The following BBS2 variants were observed in gnomAD, a reference collection of about 807,000 sequenced individuals.
BBS2 encodes Bardet-Biedl syndrome 2.
BBS2 carries 62 observed loss-of-function variants against 83.0 expected under a neutral mutation model. That is an observed-to-expected ratio of 0.75 (90% CI 0.61 to 0.92). The LOEUF (loss-of-function observed/expected upper bound fraction) is 0.92. Ranked by LOEUF, BBS2 falls within the 40% of genes least tolerant of loss-of-function variation. The probability of loss-of-function intolerance (pLI) is 0.00; values close to 1 mark genes in which losing one functional copy is unlikely to be tolerated. For synonymous variants in BBS2, 303 were observed against 326.1 expected (o/e 0.93, Z 0.76); for missense variants, 784 against 901.0 (o/e 0.87, Z 1.66).
downstream of BBS2, among the ~76,000 whole-genome samples, chr16:56,481,796 T>C (rs1963667948): frequency 6.6e-6 from 1 of 152,218 alleles, no homozygotes; most frequent in African/African-American, 2.4e-5. Flanking sequence ...GTTGCATGTT[T>C]TATGAATGTT....
chr16:56,478,527 G>A (rs1258107580), intron 17 of BBS2: 2 of 152,192 alleles, frequency 1.3e-5, no homozygotes, highest in African/African-American at 4.8e-5. Context: ...TTCATGAGTT[G>A]AGGGGAAAGG....
chr16:56,509,807 A>G, intron 5 of BBS2, 150 bp downstream of exon 5: 1 of 698,238 alleles, frequency 1.4e-6, no homozygotes, highest in South Asian at 1.6e-5. Flanking sequence ...TTCTTACCAT[A>G]ACATACAGCT....
chr16:56,484,836 A>G lies in BBS2; in HGVS notation c.2091T>C (p.Ala697=). 1 of 1,614,096 alleles carries G rather than the reference A, an allele frequency of 6.2e-7. No individual in the cohort carries two copies. The highest frequency in any genetic ancestry group is 1.3e-5 in the African/African-American group (1 of 75,060). ...VGKPKNQVIT[A]CRDAIRSNNI... is the part of the protein sequence containing the mutation. Reference sequence around the variant, plus strand: ...TATTGCTTCGAATTGCATCCCGACAAGCAGTGATCACCTGGTTCTTTGGTT... The same window carrying G: ...TATTGCTTCGAATTGCATCCCGACAGGCAGTGATCACCTGGTTCTTTGGTT... Residue 697 remains alanine, a synonymous_variant, in exon 17 of 17, where the codon GCT becomes GCC. Coordinates refer to ENST00000245157, the MANE Select transcript of BBS2 (RefSeq NM_031885.5).
At chr16:56,507,359 C>T (rs966901269) in intron 5 of BBS2, among the ~76,000 whole-genome samples, 3 of 152,176 alleles carry the variant, frequency 2.0e-5, no homozygotes, top group African/African-American at 7.2e-5. Context: ...CCCTCAAATC[C>T]CTAACTCTAT....
At chr16:56,480,713 A>C (rs569418388), downstream of BBS2, among the ~76,000 whole-genome samples, 6 of 152,298 alleles carry the variant, frequency 3.9e-5, no homozygotes, top group South Asian at 1.2e-3. Context: ...CAACACCATG[A>C]CATACTTAAC....
At chr16:56,478,585 A>T (rs1211588537) in intron 17 of BBS2, 3 of 152,234 alleles carry the variant, frequency 2.0e-5, no homozygotes, top group African/African-American at 7.2e-5. Context: ...GTGCTTGGGT[A>T]GGTGAAACTG....
chr16:56,495,764 A>ATG lies in BBS2; in HGVS notation c.1910+1202_1910+1203insCA, dbSNP rs1428218197. ...GTGATTTTTATACAGACGTGTGTAT[A>ATG]TATGTGTGTGTGTGTGTGTGTGTGT... On this transcript the variant is annotated intron_variant, in intron 15 of 16. Transcript: ENST00000245157. 4.4e-4 allele frequency among the ~76,000 whole-genome samples: 41 copies of ATG among 92,276 alleles called. 2 individuals are homozygous for ATG. The highest frequency in any genetic ancestry group is 4.0e-5 in the Non-Finnish European group (2 of 49,630). 60.5% of individuals were successfully genotyped at this position (92,276 alleles called of 152,430 possible).
chr16:56,481,009 G>A (rs963142177), downstream of BBS2, among the ~76,000 whole-genome samples: 13 of 152,104 alleles, frequency 8.5e-5, no homozygotes, highest in African/African-American at 2.2e-4. Context: ...GGCAAAATGC[G>A]AAACACCAGG....
chr16:56,514,545 G>A lies in BBS2; in HGVS notation c.253C>T (p.Pro85Ser), dbSNP rs371970109. The A allele has an allele frequency of 6.2e-6, 10 of 1,614,016 alleles. No homozygotes were observed. Among genetic ancestry groups the A allele is most frequent in the African/African-American group, 1.3e-5 (1 of 74,890 alleles). ...VSCLTAGVLNPELGYDALLVG... is the reference protein window; with the variant it reads ...VSCLTAGVLNSELGYDALLVG... Reference sequence around the variant, plus strand: ...AAAAGGGCATCATAGCCAAGCTCAGGGTTCAATACGCCTGCAGTCAGACAG... The same window carrying A: ...AAAAGGGCATCATAGCCAAGCTCAGAGTTCAATACGCCTGCAGTCAGACAG... The change falls in exon 2 of 17, where the codon CCT (proline) becomes TCT (serine). Residue 85 changes from proline to serine, a missense_variant. Coordinates refer to ENST00000245157, the MANE Select transcript of BBS2 (RefSeq NM_031885.5).
At chr16:56,516,941 G>A (rs1349945726) in intron 1 of BBS2, among the ~76,000 whole-genome samples, 1 of 152,138 alleles carries the variant, frequency 6.6e-6, no homozygotes, top group South Asian at 2.1e-4. Flanking sequence ...TTACAGAGCT[G>A]AACACAAAGT....
rs182879553 is a variant in BBS2 at position 56,476,353 on chromosome 16, A to G, written c.*1-5658T>C. Reference sequence around the variant, plus strand: ...TTGTCTTTTACTAGGACTCATAATGATTGTCCTCAACCGAGACCTTGAGCT... The same window carrying G: ...TTGTCTTTTACTAGGACTCATAATGGTTGTCCTCAACCGAGACCTTGAGCT... On this transcript the variant is annotated intron_variant, in intron 17 of 17. Transcript: ENST00000682047. 8.2e-6 allele frequency: 5 copies of G among 611,754 alleles called. No individual in the cohort carries two copies. In the East Asian group the frequency reaches 1.5e-4, roughly 19 times the overall value. The allele number at this position is 611,754 out of a possible 1,614,324, so 37.9% of individuals were successfully genotyped here.
At chr16:56,511,327 T>C (rs1467252019) in intron 2 of BBS2, 43 bp from the exon 3 acceptor site, 7 of 1,611,224 alleles carry the variant, frequency 4.3e-6, no homozygotes, top group Non-Finnish European at 5.9e-6. Context: ...CACGATAATA[T>C]GCAGGCCCAC....
At chr16:56,479,541 A>T (rs1386122743), downstream of BBS2, among the ~76,000 whole-genome samples, 1 of 152,230 alleles carries the variant, frequency 6.6e-6, no homozygotes, top group African/African-American at 2.4e-5. Flanking sequence ...TGAGGTAATA[A>T]CATGTAATAT....
intron 17 of BBS2, chr16:56,474,773 A>G (rs550550504): frequency 2.7e-6 from 4 of 1,464,696 alleles, no homozygotes; most frequent in East Asian, 4.6e-5. Flanking sequence ...CTTGCAATCC[A>G]ACAGTTCTAT....
chr16:56,515,834 C>T (rs1002527617), intron 1 of BBS2, among the ~76,000 whole-genome samples: 2 of 152,178 alleles, frequency 1.3e-5, no homozygotes, highest in Non-Finnish European at 2.9e-5. Context: ...CCCTTCATTT[C>T]CATATGAGGT....
At chr16:56,500,624 C>CAA (rs1304358431) in intron 11 of BBS2, 1,408 of 293,514 alleles carry the variant, frequency 4.8e-3, no homozygotes, top group South Asian at 6.6e-3. Flanking sequence ...GAATCTGTCT[C>CAA]AAAAAAAAAA....
At chr16:56,492,496 G>C (rs1389248748) in intron 15 of BBS2, among the ~76,000 whole-genome samples, 8 of 152,066 alleles carry the variant, frequency 5.3e-5, no homozygotes, top group African/African-American at 1.9e-4. Flanking sequence ...AGTTGAAAGA[G>C]GGGAAGAAGA....
At chr16:56,489,205 G>C (rs939260051) in intron 15 of BBS2, among the ~76,000 whole-genome samples, 5 of 152,126 alleles carry the variant, frequency 3.3e-5, no homozygotes, top group Non-Finnish European at 7.4e-5. Flanking sequence ...GCTGGGTGTG[G>C]TGGCACATGC....
At chr16:56,483,850 C>G (rs1963701959), downstream of BBS2, among the ~76,000 whole-genome samples, 1 of 151,662 alleles carries the variant, frequency 6.6e-6, no homozygotes, top group Non-Finnish European at 1.5e-5. Flanking sequence ...TAGGTGTCCA[C>G]CACCAAACCT....
Sources: gnomAD v4.1 joint callset for allele counts (sites outside exome capture counted in the v4.1 genomes callset) on GRCh38, gnomAD v4.1.1 for gene constraint, MANE v1.5 for transcripts, NCBI Gene and HGNC (gene_info 2026-07-23, HGNC 2026-07-21) for gene names.